NRG3: variants seen among roughly 807,000 people sequenced by gnomAD.
The protein encoded by NRG3 is pro-neuregulin-3, membrane-bound isoform.
In NRG3, 31 loss-of-function variants were observed where a neutral mutation model predicts 66.9. That is an observed-to-expected ratio of 0.46 (90% CI 0.35 to 0.63). The LOEUF (loss-of-function observed/expected upper bound fraction) is 0.63, where lower values mean the gene tolerates loss of function less well. Ranked by LOEUF, NRG3 falls within the 20% of genes least tolerant of loss-of-function variation. The pLI, the probability that NRG3 is intolerant of heterozygous loss-of-function variation, is 0.00. For synonymous variants in NRG3, 393 were observed against 359.4 expected (o/e 1.09, Z -1.06); for missense variants, 910 against 878.9 (o/e 1.04, Z -0.45).
At chr10:82,585,209 T>C (rs596047) in intron 2 of NRG3, among the ~76,000 whole-genome samples, 12,550 of 152,098 alleles carry the variant, frequency 0.083, 610 homozygotes, top group East Asian at 0.15. Context: ...AATAAGCCTT[T>C]CTAATTGAAA....
intron 4 of NRG3, among the ~76,000 whole-genome samples, chr10:82,870,228 T>G (rs1429157433): frequency 6.6e-6 from 1 of 152,178 alleles, no homozygotes; most frequent in African/African-American, 2.4e-5. Flanking sequence ...ATATTTGGAA[T>G]AATACCTTTT....
chr10:82,399,747 G>T (rs1281344685), intron 2 of NRG3, among the ~76,000 whole-genome samples: 2 of 152,140 alleles, frequency 1.3e-5, no homozygotes, highest in African/African-American at 4.8e-5. Context: ...ATTTTGAGGG[G>T]ACACAAATAT....
chr10:82,235,401 A>AT (rs2076704925), intron 1 of NRG3, among the ~76,000 whole-genome samples: 3 of 152,236 alleles, frequency 2.0e-5, no homozygotes, highest in South Asian at 2.1e-4. Flanking sequence ...TAGTTTAACT[A>AT]TTTTTCTAAC....
intron 1 of NRG3, among the ~76,000 whole-genome samples, chr10:82,028,173 G>A (rs147496002): frequency 5.7e-4 from 86 of 152,194 alleles, no homozygotes; most frequent in African/African-American, 2.0e-3. Flanking sequence ...TGGATGCAAT[G>A]TCTGGAACTG....
At chr10:82,112,979 T>A (rs1281976775) in intron 1 of NRG3, among the ~76,000 whole-genome samples, 1 of 152,156 alleles carries the variant, frequency 6.6e-6, no homozygotes, top group East Asian at 1.9e-4. Flanking sequence ...CCCACACTGC[T>A]CCTGGTCTTC....
At chr10:82,279,673 A>C (rs545640846) in intron 1 of NRG3, among the ~76,000 whole-genome samples, 1 of 152,334 alleles carries the variant, frequency 6.6e-6, no homozygotes, top group South Asian at 2.1e-4. Context: ...AAAGATTATT[A>C]AAACTGATTT....
chr10:82,114,289 C>T (rs2067564929), intron 1 of NRG3, among the ~76,000 whole-genome samples: 1 of 152,028 alleles, frequency 6.6e-6, no homozygotes, highest in South Asian at 2.1e-4. Context: ...CATTAGTGTG[C>T]CAATTTCTTT....
intron 1 of NRG3, among the ~76,000 whole-genome samples, chr10:82,191,697 G>A (rs769475528): frequency 6.6e-6 from 1 of 152,182 alleles, no homozygotes; most frequent in Non-Finnish European, 1.5e-5. Context: ...AAACTACCAT[G>A]TATTCCTTCT....
intron 1 of NRG3, among the ~76,000 whole-genome samples, chr10:82,047,625 A>G (rs529193275): frequency 3.3e-3 from 509 of 152,010 alleles, no homozygotes; most frequent in African/African-American, 9.0e-3. Context: ...AGGAACAACC[A>G]GTACCAGCTG....
At chr10:82,105,098 A>G (rs537443066) in intron 1 of NRG3, among the ~76,000 whole-genome samples, 1 of 152,292 alleles carries the variant, frequency 6.6e-6, no homozygotes, top group South Asian at 2.1e-4. Flanking sequence ...GAGGTTATAG[A>G]TAATATTTCA....
At chr10:82,953,690 G>A (rs1184141138) in intron 5 of NRG3, among the ~76,000 whole-genome samples, 1 of 151,848 alleles carries the variant, frequency 6.6e-6, no homozygotes, top group Non-Finnish European at 1.5e-5. Context: ...ATGCAATCAT[G>A]GCCAGACGCG....
chr10:82,057,929 T>C (rs1167761073), intron 1 of NRG3, among the ~76,000 whole-genome samples: 1 of 151,962 alleles, frequency 6.6e-6, no homozygotes, highest in Non-Finnish European at 1.5e-5. Context: ...AACTTCCCAT[T>C]CTAGTGCTTG....
At chr10:82,799,411 A>G (rs528284084) in intron 3 of NRG3, among the ~76,000 whole-genome samples, 1 of 151,916 alleles carries the variant, frequency 6.6e-6, no homozygotes, top group South Asian at 2.1e-4. Context: ...CAGTAATCCC[A>G]GCTACTCAGG....
intron 1 of NRG3, among the ~76,000 whole-genome samples, chr10:82,210,849 A>G (rs1373562105): frequency 1.3e-5 from 2 of 152,254 alleles, no homozygotes; most frequent in Non-Finnish European, 2.9e-5. Flanking sequence ...AATTATTTTC[A>G]AAAGTAGCTC....
chr10:82,594,282 C>G (rs537147503), intron 2 of NRG3, among the ~76,000 whole-genome samples: 1 of 152,258 alleles, frequency 6.6e-6, no homozygotes, highest in Non-Finnish European at 1.5e-5. Context: ...TATATCATTT[C>G]TGCACAAATT....
intron 3 of NRG3, among the ~76,000 whole-genome samples, chr10:82,763,995 A>T (rs1190696737): frequency 6.6e-6 from 1 of 152,068 alleles, no homozygotes; most frequent in Non-Finnish European, 1.5e-5. Flanking sequence ...ATAGTGGAAA[A>T]TTTTTAATTG....
At chr10:82,154,864 G>T (rs1196244965) in intron 1 of NRG3, among the ~76,000 whole-genome samples, 3 of 151,656 alleles carry the variant, frequency 2.0e-5, no homozygotes, top group Non-Finnish European at 4.4e-5. Context: ...TATTGTTAGT[G>T]TTATAGGAAA....
intron 1 of NRG3, among the ~76,000 whole-genome samples, chr10:82,314,363 T>C (rs1423683824): frequency 6.6e-6 from 1 of 152,134 alleles, no homozygotes; most frequent in African/African-American, 2.4e-5. Context: ...TTGTCAAGGC[T>C]TCTAAAATTG....
In NRG3 at chr10:82,435,862, T is replaced by A. The variant is rs191056624; in HGVS notation, c.953+76994T>A. On this transcript the variant is annotated intron_variant, in intron 2 of 8. Coordinates refer to ENST00000372141, the MANE Select transcript of NRG3 (RefSeq NM_001010848.4). Reference sequence around the variant, plus strand: ...AGTGGCACAATTGGTTTTGAGTGAGTTTCTTAATCCTGAGTTCTAATTTGA... The same window carrying A: ...AGTGGCACAATTGGTTTTGAGTGAGATTCTTAATCCTGAGTTCTAATTTGA... Among the ~76,000 whole-genome samples the A allele has an allele frequency of 4.0e-5, 6 of 149,640 alleles. No homozygotes were observed. The East Asian group carries it at 1.2e-3, about 30-fold the overall frequency.
Sources: allele counts gnomAD v4.1 joint callset (sites outside exome capture counted in the v4.1 genomes callset), GRCh38; gene constraint gnomAD v4.1.1; transcripts MANE v1.5; gene names NCBI Gene and HGNC (gene_info 2026-07-23, HGNC 2026-07-21).